Variants in CATSPERT observed in about 807,000 individuals in gnomAD.
The protein encoded by CATSPERT is cation channel sperm-associated targeting subunit tau.
At chr2:201,550,257 T>G in the CATSPERT span, 2 of 152,204 alleles carry the variant, frequency 1.3e-5, no homozygotes, top group African/African-American at 4.8e-5. Context: ...CCTATTGTAC[T>G]TGAATTAGTG....
chr2:201,506,883 ATCT>A, the CATSPERT span, among the ~76,000 whole-genome samples: 6 of 152,194 alleles, frequency 3.9e-5, no homozygotes, highest in African/African-American at 1.4e-4. Flanking sequence ...TTTCAAATAA[ATCT>A]TCTAACAAAC....
the CATSPERT span, among the ~76,000 whole-genome samples, chr2:201,540,068 C>G: frequency 6.6e-6 from 1 of 152,156 alleles, no homozygotes; most frequent in Admixed American, 6.5e-5. Flanking sequence ...TCCCTTAAGC[C>G]AAAGCCTAAT....
the CATSPERT span, among the ~76,000 whole-genome samples, chr2:201,586,350 C>T: frequency 6.6e-6 from 1 of 150,856 alleles, no homozygotes; most frequent in African/African-American, 2.4e-5. Flanking sequence ...GAAAAGAAGA[C>T]AAAAGAGGAA....
chr2:201,536,569 C>G, the CATSPERT span, among the ~76,000 whole-genome samples: 4 of 151,696 alleles, frequency 2.6e-5, no homozygotes, highest in African/African-American at 4.8e-5. Context: ...ATTTATAAAT[C>G]AGCAACATCT....
the CATSPERT span, among the ~76,000 whole-genome samples, chr2:201,603,864 A>T: frequency 6.6e-6 from 1 of 152,336 alleles, no homozygotes; most frequent in South Asian, 2.1e-4. Context: ...ATATTTAGCC[A>T]TGTTTAGTAT....
the CATSPERT span, among the ~76,000 whole-genome samples, chr2:201,607,543 G>A: frequency 6.6e-6 from 1 of 152,200 alleles, no homozygotes; most frequent in East Asian, 1.9e-4. Context: ...CCTGTGGGCT[G>A]AGGTAGGATC....
At chr2:201,527,239 C>G in the CATSPERT span, among the ~76,000 whole-genome samples, 4 of 152,128 alleles carry the variant, frequency 2.6e-5, no homozygotes, top group Non-Finnish European at 5.9e-5. Flanking sequence ...TTACAAAACA[C>G]TGCTAAAAGA....
chr2:201,560,468 T>TAACAAC, the CATSPERT span, among the ~76,000 whole-genome samples: 32 of 63,190 alleles, frequency 5.1e-4, no homozygotes, highest in Admixed American at 7.4e-4. Flanking sequence ...ATAATAATAA[T>TAACAAC]AACAACAACA....
the CATSPERT span, among the ~76,000 whole-genome samples, chr2:201,541,600 C>CAT: frequency 3.0e-5 from 4 of 132,578 alleles, no homozygotes; most frequent in Non-Finnish European, 4.8e-5. Flanking sequence ...AAAACCCATA[C>CAT]ATATATATAT....
the CATSPERT span, among the ~76,000 whole-genome samples, chr2:201,617,907 C>A: frequency 6.6e-6 from 1 of 152,280 alleles, no homozygotes; most frequent in East Asian, 1.9e-4. Context: ...AGTATATGAA[C>A]AGACACTTCT....
the CATSPERT span, among the ~76,000 whole-genome samples, chr2:201,608,692 C>T: frequency 2.0e-5 from 3 of 151,888 alleles, no homozygotes; most frequent in Non-Finnish European, 2.9e-5. Context: ...TGGCGAGTTC[C>T]TACAGTCCTA....
At chr2:201,560,559 T>C in the CATSPERT span, among the ~76,000 whole-genome samples, 2 of 151,868 alleles carry the variant, frequency 1.3e-5, no homozygotes, top group Non-Finnish European at 2.9e-5. Flanking sequence ...AGAAGGTCTA[T>C]TGAAATAATA....
chr2:201,591,593 G>A, the CATSPERT span, among the ~76,000 whole-genome samples: 8 of 151,856 alleles, frequency 5.3e-5, no homozygotes, highest in South Asian at 2.1e-4. Flanking sequence ...CCATTTTCAC[G>A]ATATTGATTC....
At chr2:201,616,236 C>G in the CATSPERT span, among the ~76,000 whole-genome samples, 1 of 152,200 alleles carries the variant, frequency 6.6e-6, no homozygotes, top group African/African-American at 2.4e-5. Context: ...ATACCAAAGC[C>G]TGGCAGAGAC....
At chr2:201,617,176 A>G in the CATSPERT span, among the ~76,000 whole-genome samples, 3 of 152,192 alleles carry the variant, frequency 2.0e-5, no homozygotes, top group African/African-American at 7.2e-5. Flanking sequence ...TCAAGCTACC[A>G]ATGACTTTCT....
chr2:201,496,385 CAGGCCA>C, the CATSPERT span, among the ~76,000 whole-genome samples: 3 of 152,128 alleles, frequency 2.0e-5, no homozygotes, highest in Admixed American at 2.0e-4. Flanking sequence ...CTCTGTTGCC[CAGGCCA>C]GAGTGCAGTG....
the CATSPERT span, among the ~76,000 whole-genome samples, chr2:201,556,263 A>C: frequency 6.6e-6 from 1 of 152,338 alleles, no homozygotes; most frequent in African/African-American, 2.4e-5. Flanking sequence ...TAATCCCAGC[A>C]CTTTGAGAGG....
the CATSPERT span, among the ~76,000 whole-genome samples, chr2:201,579,534 T>C: frequency 2.0e-5 from 3 of 152,124 alleles, no homozygotes; most frequent in African/African-American, 7.2e-5. Context: ...TCCACCTCCC[T>C]CAGCCTCCCA....
At chr2:201,612,550 G>A in the CATSPERT span, among the ~76,000 whole-genome samples, 4 of 150,590 alleles carry the variant, frequency 2.7e-5, no homozygotes, top group Non-Finnish European at 5.9e-5. Flanking sequence ...CTCTAGCCTG[G>A]GGGAGGGCGA....
Sources: allele counts gnomAD v4.1 joint callset (sites outside exome capture counted in the v4.1 genomes callset), GRCh38; gene constraint gnomAD v4.1.1; transcripts MANE v1.5; gene names NCBI Gene and HGNC (gene_info 2026-07-23, HGNC 2026-07-21).